Variants in ZNF717 observed in about 807,000 individuals in gnomAD.
The protein encoded by ZNF717 is zinc finger protein 717, also known as krueppel-like factor X17.
In ZNF717, 9 loss-of-function variants were observed where a neutral mutation model predicts 13.8. That is an observed-to-expected ratio of 0.65 (90% CI 0.39 to 1.14). The LOEUF is 1.14. Among genes scored for constraint, ZNF717 ranks in the 50% most tolerant of loss-of-function variants. ZNF717 has a pLI of 0.01. For missense variants in ZNF717, 1,040 were observed against 1,080.7 expected (o/e 0.96, Z 0.53); for synonymous variants, 327 against 364.1 (o/e 0.90, Z 1.16).
chr3:75,773,761 A>G (rs2107665091), intron 2 of ZNF717, among the ~76,000 whole-genome samples: 1 of 152,334 alleles, frequency 6.6e-6, no homozygotes, highest in Non-Finnish European at 1.5e-5. Flanking sequence ...CTTTAACAAA[A>G]AAAAATGGCC....
intron 5 of ZNF717, among the ~76,000 whole-genome samples, chr3:75,711,991 A>C (rs954545101): frequency 1.3e-5 from 2 of 152,246 alleles, no homozygotes; most frequent in Non-Finnish European, 2.9e-5. Flanking sequence ...GGACAATCAG[A>C]CTTTTATTAA....
Position 75,736,812 on chromosome 3 carries a change from CCATA to C in ZNF717, c.*62_*65del. On this transcript the variant is annotated 3_prime_UTR_variant, in exon 5 of 5. Transcript: ENST00000652011. ...AGGAGGTAATGGTCACCATTTGTGT[CCATA>C]TTCTCCTAGACTGAGCATGGAGAAA... 3 of 1,449,130 alleles carry C rather than the reference CCATA, an allele frequency of 2.1e-6. No homozygotes were observed. The highest frequency in any genetic ancestry group is 2.7e-6 in the Non-Finnish European group (3 of 1,091,520). 89.8% of individuals were successfully genotyped at this position (1,449,130 alleles called of 1,614,324 possible). A position where few individuals can be genotyped will look rare whatever the true frequency, so the allele number is the denominator to read the frequency against.
At chr3:75,779,602 G>A (rs1193997348) in intron 2 of ZNF717, among the ~76,000 whole-genome samples, 1 of 151,002 alleles carries the variant, frequency 6.6e-6, no homozygotes, top group Non-Finnish European at 1.5e-5. Flanking sequence ...CAAAACACTG[G>A]GAGAGATGTG....
intron 4 of ZNF717, among the ~76,000 whole-genome samples, chr3:75,717,317 T>A (rs1204532190): frequency 5.9e-5 from 9 of 152,214 alleles, no homozygotes; most frequent in Admixed American, 5.9e-4. Context: ...TAAAAATGGA[T>A]CAATATTTTT....
chr3:75,737,126 G>T lies in ZNF717; in HGVS notation c.2497C>A (p.His833Asn). ...FSQKSKLFVH[H>N]RTHTGEKPFR... ...GGTTTTTCCCCTGTGTGAGTTCTGT[G>T]ATGTACAAAGAGTTTTGACTTCTGG... The change falls in exon 5 of 5, where the codon CAC becomes AAC. Residue 833 changes from histidine to asparagine, a missense_variant. Physicochemically the swap from His to Asn is moderately conservative, Grantham distance 68 (BLOSUM62 1). Transcript: ENST00000652011. 1.9e-6 allele frequency: 3 copies of T among 1,568,272 alleles called. No homozygotes were observed. The highest frequency in any genetic ancestry group is 2.3e-5 in the South Asian group (2 of 85,758).
intron 2 of ZNF717, among the ~76,000 whole-genome samples, chr3:75,776,824 A>G (rs565551292): frequency 2.6e-5 from 4 of 152,218 alleles, no homozygotes; most frequent in Non-Finnish European, 5.9e-5. Context: ...ACTCTTAAGT[A>G]TCTGTGCAGC....
intron 2 of ZNF717, among the ~76,000 whole-genome samples, chr3:75,777,564 A>G (rs2107701550): frequency 6.6e-6 from 1 of 152,226 alleles, no homozygotes; most frequent in East Asian, 1.9e-4. Flanking sequence ...AACCCAAAAC[A>G]ATGGGAGTAA....
chr3:75,714,267 G>A lies in ZNF717; in HGVS notation n.667+2152C>T, dbSNP rs113671969. ...CCTTTCCTGGTCTGCTAAGTAGTGGGTGCTTTTCCTTGGCACTGACACTAC... is the reference window on the plus strand; with the variant it reads ...CCTTTCCTGGTCTGCTAAGTAGTGGATGCTTTTCCTTGGCACTGACACTAC... On this transcript the variant is annotated intron_variant and non_coding_transcript_variant, in intron 5 of 5. Coordinates refer to the ZNF717 transcript ENST00000491507. 9.6e-3 allele frequency among the ~76,000 whole-genome samples: 1,458 copies of A among 152,010 alleles called. 28 individuals carry two copies. Among genetic ancestry groups the A allele is most frequent in the African/African-American group, 0.034 (1,412 of 41,442 alleles).
chr3:75,780,749 T>C (rs768527430), intron 2 of ZNF717, among the ~76,000 whole-genome samples: 38 of 152,240 alleles, frequency 2.5e-4, no homozygotes, highest in Non-Finnish European at 4.7e-4. Context: ...TGTTTTAAAC[T>C]AAGCTCATGC....
chr3:75,728,768 C>T (rs1469401211), downstream of ZNF717, among the ~76,000 whole-genome samples: 2 of 152,224 alleles, frequency 1.3e-5, no homozygotes, highest in Admixed American at 1.3e-4. Flanking sequence ...AACCTCTTTC[C>T]TTTATAAATG....
chr3:75,745,153 G>GTTT (rs765947465), intron 2 of ZNF717, among the ~76,000 whole-genome samples: 4 of 118,214 alleles, frequency 3.4e-5, no homozygotes, highest in Non-Finnish European at 3.6e-5. Flanking sequence ...GCTGTGGTCT[G>GTTT]TTGTTTTTTT....
chr3:75,753,957 G>A (rs75020821), intron 2 of ZNF717, among the ~76,000 whole-genome samples: 6 of 149,964 alleles, frequency 4.0e-5, no homozygotes, highest in African/African-American at 7.4e-5. Context: ...TTCCAGACAC[G>A]GCTACGAGGG....
At chr3:75,705,588 T>C (rs1300854847), downstream of ZNF717, among the ~76,000 whole-genome samples, 26 of 152,416 alleles carry the variant, frequency 1.7e-4, no homozygotes, top group East Asian at 4.4e-3. Flanking sequence ...CAGGGTTATC[T>C]AGTGTTTGGT....
At chr3:75,711,890 G>T (rs79357079) in intron 5 of ZNF717, among the ~76,000 whole-genome samples, 5 of 141,098 alleles carry the variant, frequency 3.5e-5, no homozygotes, top group African/African-American at 1.3e-4. Flanking sequence ...AATAGCCATG[G>T]TTTAAAATCT....
intron 2 of ZNF717, among the ~76,000 whole-genome samples, chr3:75,750,631 G>A (rs75565543): frequency 6.6e-6 from 1 of 151,550 alleles, no homozygotes; most frequent in Non-Finnish European, 1.5e-5. Context: ...CACTGCTGCT[G>A]GAGTCTGAGT....
rs189250314 is a variant in ZNF717, at chr3:75,759,971, A to T, written c.58-18235T>A. Among the ~76,000 whole-genome samples, 292 of 152,368 alleles carry T rather than the reference A, an allele frequency of 1.9e-3. 2 individuals are homozygous for T. The highest frequency in any genetic ancestry group is 0.017 in the Admixed American group (260 of 15,304). ...CTTTATGTCAGGTTGCTGTGTCAAT[A>T]CACTTAGGAGATCATAGTTTCTAAA... On this transcript the variant is annotated intron_variant, in intron 2 of 4. Coordinates refer to ENST00000652011, the MANE Select transcript of ZNF717 (RefSeq NM_001290208.3).
At chr3:75,740,630 G>A (rs75165596) in intron 4 of ZNF717, among the ~76,000 whole-genome samples, 7,264 of 82,658 alleles carry the variant, frequency 0.088, no homozygotes, top group Non-Finnish European at 0.12. Flanking sequence ...CCAGAAGTTC[G>A]AGACCAGCCT....
At chr3:75,763,626 C>A in intron 2 of ZNF717, among the ~76,000 whole-genome samples, 1 of 152,236 alleles carries the variant, frequency 6.6e-6, no homozygotes, top group Non-Finnish European at 1.5e-5. Context: ...AGAGTAAGTG[C>A]TAGTTCTCTG....
At chr3:75,746,045 C>T (rs1454185738) in intron 2 of ZNF717, among the ~76,000 whole-genome samples, 21 of 152,166 alleles carry the variant, frequency 1.4e-4, no homozygotes, top group African/African-American at 4.1e-4. Context: ...CACAACAAGC[C>T]CCGGTGTGTG....
Sources: gnomAD v4.1 joint callset for allele counts (sites outside exome capture counted in the v4.1 genomes callset) on GRCh38, gnomAD v4.1.1 for gene constraint, MANE v1.5 for transcripts, NCBI Gene and HGNC (gene_info 2026-07-23, HGNC 2026-07-21) for gene names.